Variants in DAP observed in about 807,000 individuals in gnomAD.
DAP encodes the protein death-associated protein 1.
DAP carries 8 observed loss-of-function variants against 13.8 expected under a neutral mutation model. That is an observed-to-expected ratio of 0.58 (90% CI 0.34 to 1.05). The LOEUF (loss-of-function observed/expected upper bound fraction) is 1.05, where lower values mean the gene tolerates loss of function less well. DAP is among the 50% of genes least tolerant of loss of function. DAP has a pLI of 0.03. For missense variants in DAP, 106 were observed against 133.2 expected (o/e 0.80, Z 1.01); for synonymous variants, 47 against 47.5 (o/e 0.99, Z 0.04).
At chr5:10,684,772 T>C (rs1292974344) in intron 2 of DAP, among the ~76,000 whole-genome samples, 1 of 152,186 alleles carries the variant, frequency 6.6e-6, no homozygotes, top group Non-Finnish European at 1.5e-5. Context: ...TTTGAGGTAG[T>C]GGACAAGGTG....
intron 2 of DAP, among the ~76,000 whole-genome samples, chr5:10,687,314 A>T (rs977813599): frequency 3.3e-5 from 5 of 152,234 alleles, no homozygotes; most frequent in Admixed American, 6.5e-5. Flanking sequence ...AAGTCTTATT[A>T]TTTAAGAAAT....
intron 1 of DAP, among the ~76,000 whole-genome samples, chr5:10,750,944 G>A (rs923250024): frequency 1.3e-5 from 2 of 152,224 alleles, no homozygotes; most frequent in Non-Finnish European, 2.9e-5. Context: ...TTTCTCAGAA[G>A]ACAAATTGCC....
intron 2 of DAP, among the ~76,000 whole-genome samples, chr5:10,690,660 A>G (rs1160030180): frequency 3.9e-5 from 6 of 152,226 alleles, no homozygotes; most frequent in Non-Finnish European, 8.8e-5. Flanking sequence ...ATAACATTCC[A>G]CTGTACAGAC....
chr5:10,747,984 C>CT (rs1579820747), intron 2 of DAP, 191 bp downstream of exon 2: 2 of 546,052 alleles, frequency 3.7e-6, no homozygotes, highest in African/African-American at 3.8e-5. Flanking sequence ...AAGAGGACCT[C>CT]TAGGGGCTCT....
intron 2 of DAP, among the ~76,000 whole-genome samples, chr5:10,700,171 T>C (rs1738540273): frequency 6.6e-6 from 1 of 152,208 alleles, no homozygotes; most frequent in Non-Finnish European, 1.5e-5. Context: ...GGGGAATTGA[T>C]GTGTAGTGTA....
intron 2 of DAP, among the ~76,000 whole-genome samples, chr5:10,696,391 T>C (rs1009825394): frequency 9.9e-5 from 15 of 152,132 alleles, no homozygotes; most frequent in African/African-American, 3.6e-4. Flanking sequence ...TCTGCTGCCA[T>C]CTCCACAGGA....
intron 2 of DAP, among the ~76,000 whole-genome samples, chr5:10,689,586 A>C (rs926692633): frequency 3.3e-5 from 5 of 152,188 alleles, no homozygotes; most frequent in African/African-American, 1.2e-4. Flanking sequence ...GTCAATGAAA[A>C]TCATGCTAGG....
chr5:10,739,201 CAAAAAAAAA>C lies in DAP; in HGVS notation c.152+8965_152+8973del, dbSNP rs10644743. ...TGGGTGACAGAGCAAGACTCTGAAT[CAAAAAAAAA>C]AAAAAAAAAAAAAAAAGAAAGAAAG... On this transcript the variant is annotated intron_variant, in intron 2 of 3. Transcript: ENST00000230895. Among the ~76,000 whole-genome samples, 18 of 71,614 alleles carry C rather than the reference CAAAAAAAAA, an allele frequency of 2.5e-4. 1 individual carries two copies. Among genetic ancestry groups the C allele is most frequent in the African/African-American group, 8.9e-4 (16 of 17,998 alleles). 47.0% of individuals were successfully genotyped at this position (71,614 alleles called of 152,430 possible).
At chr5:10,684,692 A>T (rs1404254105) in intron 2 of DAP, among the ~76,000 whole-genome samples, 1 of 152,158 alleles carries the variant, frequency 6.6e-6, no homozygotes, top group Non-Finnish European at 1.5e-5. Context: ...TCTCCATGTA[A>T]TTATATACTC....
chr5:10,700,785 G>A (rs906350610), intron 2 of DAP, among the ~76,000 whole-genome samples: 1 of 152,190 alleles, frequency 6.6e-6, no homozygotes, highest in African/African-American at 2.4e-5. Context: ...AGGACTCAAG[G>A]CTGACTTGAC....
intron 2 of DAP, among the ~76,000 whole-genome samples, chr5:10,692,498 G>C (rs1391723938): frequency 6.6e-6 from 1 of 152,064 alleles, no homozygotes; most frequent in African/African-American, 2.4e-5. Flanking sequence ...ACTTAGTCCA[G>C]CGCCCATCCC....
chr5:10,698,858 C>G (rs1024481072), intron 2 of DAP, among the ~76,000 whole-genome samples: 3 of 152,128 alleles, frequency 2.0e-5, no homozygotes, highest in Non-Finnish European at 4.4e-5. Flanking sequence ...AAGGTATGTT[C>G]CAAAGAACAA....
At chr5:10,723,372 T>C (rs1446473872) in intron 2 of DAP, among the ~76,000 whole-genome samples, 1 of 152,264 alleles carries the variant, frequency 6.6e-6, no homozygotes, top group Non-Finnish European at 1.5e-5. Flanking sequence ...TGGCTATTAG[T>C]ACAGCGATCA....
intron 2 of DAP, among the ~76,000 whole-genome samples, chr5:10,699,594 A>C (rs1561011721): frequency 1.3e-5 from 2 of 152,258 alleles, no homozygotes; most frequent in Non-Finnish European, 2.9e-5. Context: ...ATGAAAACTA[A>C]GAATGTCCTT....
rs35309839 is a variant in DAP at position 10,739,787 on chromosome 5, T to TCACACACA, written c.152+8380_152+8387dup. The stretch of plus-strand genomic sequence containing the variant: ...GTTCAACTATAAATACTAAATTAAC[T>TCACACACA]CACACACACACACACACACACACAC... On this transcript the variant is annotated intron_variant, in intron 2 of 3. Coordinates refer to ENST00000230895, the MANE Select transcript of DAP (RefSeq NM_004394.3). Among the ~76,000 whole-genome samples, 475 of 148,608 alleles carry TCACACACA rather than the reference T, an allele frequency of 3.2e-3. 1 individual carries two copies. Among genetic ancestry groups the TCACACACA allele is most frequent in the African/African-American group, 0.01 (421 of 40,436 alleles).
intron 2 of DAP, among the ~76,000 whole-genome samples, chr5:10,741,855 G>A (rs1296988232): frequency 6.6e-6 from 1 of 152,206 alleles, no homozygotes; most frequent in Non-Finnish European, 1.5e-5. Context: ...GCTGAAGGTG[G>A]TGCTCTGCCT....
At chr5:10,733,346 G>T (rs1437506412) in intron 2 of DAP, among the ~76,000 whole-genome samples, 1 of 152,040 alleles carries the variant, frequency 6.6e-6, no homozygotes, top group Non-Finnish European at 1.5e-5. Context: ...CAATTCTTTT[G>T]GGTATATGCC....
intron 2 of DAP, among the ~76,000 whole-genome samples, chr5:10,747,558 C>T (rs1273896817): frequency 6.6e-6 from 1 of 152,218 alleles, no homozygotes; most frequent in Non-Finnish European, 1.5e-5. Flanking sequence ...CCAGGTCCAC[C>T]CCTGAGGTTC....
chr5:10,739,954 C>A (rs1739716018), intron 2 of DAP, among the ~76,000 whole-genome samples: 1 of 152,100 alleles, frequency 6.6e-6, no homozygotes, highest in Non-Finnish European at 1.5e-5. Flanking sequence ...AATTAAAAGA[C>A]CCTCGAAGAA....
Sources: gnomAD v4.1 joint callset for allele counts (sites outside exome capture counted in the v4.1 genomes callset) on GRCh38, gnomAD v4.1.1 for gene constraint, MANE v1.5 for transcripts, NCBI Gene and HGNC (gene_info 2026-07-23, HGNC 2026-07-21) for gene names.